Variants in MAPK11 observed in about 807,000 individuals in gnomAD.
MAPK11 encodes mitogen-activated protein kinase 11, also known as MAP kinase 11.
MAPK11 carries 44 observed loss-of-function variants against 52.2 expected under a neutral mutation model. That is an observed-to-expected ratio of 0.84 (90% CI 0.66 to 1.08). MAPK11 has a LOEUF of 1.08. MAPK11 is among the 50% of genes least tolerant of loss of function. MAPK11 has a pLI of 0.00. For missense variants in MAPK11, 436 were observed against 494.7 expected, an observed-to-expected ratio of 0.88 and a Z score of 1.13; for synonymous variants, 233 against 206.3, an observed-to-expected ratio of 1.13 and a Z score of -1.11.
chr22:50,265,440 G>A lies in MAPK11; in HGVS notation c.896C>T (p.Ala299Val). The A allele has an allele frequency of 6.2e-7, 1 of 1,613,138 alleles. No homozygotes were observed. Among genetic ancestry groups the A allele is most frequent in the Non-Finnish European group, 8.5e-7 (1 of 1,180,000 alleles). The change falls in exon 11 of 12, where the codon GCA becomes GTA. Residue 299 changes from alanine to valine, a missense_variant. Physicochemically the swap from Ala to Val is moderately conservative, Grantham distance 64 (BLOSUM62 0). Transcript: ENST00000330651. ...GTAGGCGTGGGCCAGTGCCTCAGCT[G>A]CACTGACCCTCTGGTCACTGTCCAG... ...LVLDSDQRVS[A>V]AEALAHAYFS...
chr22:50,270,210 C>A lies in MAPK11; in HGVS notation c.83G>T (p.Arg28Leu). The A allele has an allele frequency of 6.7e-7, 1 of 1,501,672 alleles. No homozygotes were observed. Among genetic ancestry groups the A allele is most frequent in the Non-Finnish European group, 8.8e-7 (1 of 1,131,624 alleles). The allele number at this position is 1,501,672 out of a possible 1,614,324, so 93.0% of individuals were successfully genotyped here. The change falls in exon 1 of 12, where the codon CGC becomes CTC. Residue 28 changes from arginine to leucine, a missense_variant. Arg to Leu is a moderately radical substitution (Grantham distance 102, BLOSUM62 -2). Coordinates refer to ENST00000330651, the MANE Select transcript of MAPK11 (RefSeq NM_002751.7). This position sits in a 1 kb window ranked among gnomAD's most constrained non-coding sequence, Gnocchi z 6.3. ...GCCGTAGGCGCCGGAGCCCACCGGG[C>A]GCAGCCCCTGCAGCCGCTGCGGCAC... ...WEVPQRLQGL[R>L]PVGSGAYGSV... is the part of the protein sequence containing the mutation.
intron 1 of MAPK11, among the ~76,000 whole-genome samples, chr22:50,269,189 G>A (rs2065289017): frequency 6.6e-6 from 1 of 152,194 alleles, no homozygotes; most frequent in African/African-American, 2.4e-5. Flanking sequence ...GAGGAAGACA[G>A]ATCTGTGCTG....
chr22:50,266,500 G>A (rs925020565), intron 8 of MAPK11, 40 bp downstream of exon 8: 1 of 1,496,334 alleles, frequency 6.7e-7, no homozygotes, highest in East Asian at 2.3e-5. Flanking sequence ...TACAGGAGGG[G>A]CCCTGTTTGA....
chr22:50,268,165 G>T (rs1376670162), intron 1 of MAPK11, among the ~76,000 whole-genome samples: 1 of 152,228 alleles, frequency 6.6e-6, no homozygotes, highest in African/African-American at 2.4e-5. Context: ...CACCATGCGT[G>T]TGTTCACCCC....
At chr22:50,265,233 G>T in intron 11 of MAPK11, 88 bp downstream of exon 11, 1 of 1,545,136 alleles carries the variant, frequency 6.5e-7, no homozygotes, top group Non-Finnish European at 8.8e-7. Context: ...CACCTGACCA[G>T]TCTGGAGAGG....
At chr22:50,269,782 G>T (rs986495610) in intron 1 of MAPK11, among the ~76,000 whole-genome samples, 1 of 152,162 alleles carries the variant, frequency 6.6e-6, no homozygotes, top group Admixed American at 6.5e-5. Context: ...AGGGTCATCC[G>T]CTAGACCCCG....
chr22:50,266,748 T>A (rs772613672), intron 7 of MAPK11, 137 bp from the exon 8 acceptor site: 2 of 986,814 alleles, frequency 2.0e-6, no homozygotes, highest in East Asian at 5.2e-5. Context: ...CAGGGGGAGG[T>A]CCATAGCTGC....
At chr22:50,266,330 G>T (rs376396529) in intron 8 of MAPK11, 25 bp from the exon 9 acceptor site, 4 of 1,590,868 alleles carry the variant, frequency 2.5e-6, no homozygotes, top group East Asian at 2.3e-5. Flanking sequence ...AAACACCCAC[G>T]GGCCAGCCAC....
chr22:50,270,369 G>T lies in MAPK11; in HGVS notation c.-77C>A. 1 of 435,752 alleles carries T rather than the reference G, an allele frequency of 2.3e-6. No homozygotes were observed. The highest frequency in any genetic ancestry group is 3.1e-6 in the Non-Finnish European group (1 of 326,730). The allele number at this position is 435,752 out of a possible 1,614,324, so 27.0% of individuals were successfully genotyped here. A position where few individuals can be genotyped will look rare whatever the true frequency, so the allele number is the denominator to read the frequency against. On this transcript the variant is annotated 5_prime_UTR_variant, in exon 1 of 12. Coordinates refer to ENST00000330651, the MANE Select transcript of MAPK11 (RefSeq NM_002751.7). The surrounding 1 kb of genome is among the most constrained non-coding windows in gnomAD (Gnocchi z 6.3). Reference sequence around the variant, plus strand: ...CGCCCGAGCCGAGCCCGAGCCGAGCGGAGCGGAGGGCGGCGGAGGCGGCGG... The same window carrying T: ...CGCCCGAGCCGAGCCCGAGCCGAGCTGAGCGGAGGGCGGCGGAGGCGGCGG...
chr22:50,265,733 T>C, intron 9 of MAPK11, 73 bp from the exon 10 acceptor site: 2 of 954,680 alleles, frequency 2.1e-6, no homozygotes, highest in Non-Finnish European at 3.2e-6. Context: ...GGGCTTCTCT[T>C]GGCAAGCCCC....
rs200959869 is a variant in MAPK11 at position 50,266,211 on chromosome 22, C to T, written c.762+15G>A. ...GCCAGGAGAGGGAGCTGCTGGCTGG[C>T]GGGCACCAACTCACGTGTTCTGAGG... is the stretch of plus-strand genomic sequence containing the variant. On this transcript the variant is annotated intron_variant, in intron 9 of 11. Coordinates refer to ENST00000330651, the MANE Select transcript of MAPK11 (RefSeq NM_002751.7). 4.0e-5 allele frequency: 62 copies of T among 1,566,538 alleles called. No homozygotes were observed. Among genetic ancestry groups the T allele is most frequent in the Non-Finnish European group, 4.3e-5 (50 of 1,154,118 alleles).
chr22:50,265,412 G>C lies in MAPK11; in HGVS notation c.924C>G (p.Phe308Leu). The C allele has an allele frequency of 1.2e-6, 2 of 1,613,188 alleles. No individual in the cohort carries two copies. The highest frequency in any genetic ancestry group is 2.2e-5 in the South Asian group (2 of 91,086). ...CATCCTCGGGGTCGTGGTACTGGCT[G>C]AAGTAGGCGTGGGCCAGTGCCTCAG... ...SAAEALAHAYFSQYHDPEDEP... is the reference protein window; with the variant it reads ...SAAEALAHAYLSQYHDPEDEP... Residue 308 changes from phenylalanine to leucine, a missense_variant, in exon 11 of 12, where the codon TTC becomes TTG. Transcript: ENST00000330651.
chr22:50,268,080 GC>G, intron 1 of MAPK11, 131 bp from the exon 2 acceptor site: 1 of 1,099,216 alleles, frequency 9.1e-7, no homozygotes, highest in Non-Finnish European at 1.2e-6. Flanking sequence ...CCCCGGCCCC[GC>G]CGCCCCAGCT....
chr22:50,267,291 G>A lies in MAPK11; in HGVS notation c.418-5C>T, dbSNP rs762510760. ...GATCCCGGCCGAGTGGATGTACTGC[G>A]GGAGGGGGATTGTGGTGAGCGCCGG... is the stretch of plus-strand genomic sequence containing the variant. On this transcript the variant is annotated splice_region_variant and splice_polypyrimidine_tract_variant and intron_variant, in intron 4 of 11. Coordinates refer to ENST00000330651, the MANE Select transcript of MAPK11 (RefSeq NM_002751.7). The A allele has an allele frequency of 1.2e-6, 2 of 1,600,910 alleles. No individual in the cohort carries two copies. Among genetic ancestry groups the A allele is most frequent in the Non-Finnish European group, 1.7e-6 (2 of 1,175,536 alleles).
intron 1 of MAPK11, among the ~76,000 whole-genome samples, chr22:50,268,608 C>T (rs1425526572): frequency 6.6e-6 from 1 of 152,232 alleles, no homozygotes; most frequent in Non-Finnish European, 1.5e-5. Context: ...TGAGCCCACC[C>T]TCCCTTTGCA....
At position 50,267,585 on chromosome 22, in the gene MAPK11, C is replaced by G; in HGVS notation, c.289G>C (p.Glu97Gln). 1 of 1,547,206 alleles carries G rather than the reference C, an allele frequency of 6.5e-7. No individual in the cohort carries two copies. Among genetic ancestry groups the G allele is most frequent in the Non-Finnish European group, 8.7e-7 (1 of 1,146,014 alleles). Residue 97 changes from glutamate (E) to glutamine (Q), a missense_variant, in exon 3 of 12, where the codon GAG becomes CAG. Coordinates refer to ENST00000330651, the MANE Select transcript of MAPK11 (RefSeq NM_002751.7). ...LDVFTPATSI[E>Q]DFSEVYLVTT... is the part of the protein sequence containing the mutation. ...GCCGCTCACACTTCGCTGAAGTCCT[C>G]GATGGACGTGGCCGGCGTGAAGACG... is the stretch of plus-strand genomic sequence containing the variant.
In MAPK11 at chr22:50,270,154, C is replaced by T; in HGVS notation, c.116+23G>A. 7.7e-7 allele frequency: 1 copy of T among 1,292,642 alleles called. No homozygotes were observed. Among genetic ancestry groups the T allele is most frequent in the Non-Finnish European group, 1.0e-6 (1 of 991,922 alleles). 80.1% of individuals were successfully genotyped at this position (1,292,642 alleles called of 1,614,324 possible). Reference sequence around the variant, plus strand: ...CCGGCCCGGCCCGGCCCCCACCCAGCACCCCTTCTGCCCCGCCCCTACCAG... The same window carrying T: ...CCGGCCCGGCCCGGCCCCCACCCAGTACCCCTTCTGCCCCGCCCCTACCAG... On this transcript the variant is annotated intron_variant, in intron 1 of 11. Coordinates refer to ENST00000330651, the MANE Select transcript of MAPK11 (RefSeq NM_002751.7). The surrounding 1 kb of genome is among the most constrained non-coding windows in gnomAD (Gnocchi z 6.3).
In MAPK11 at chr22:50,270,285, C is replaced by T. The variant is rs2065298825; in HGVS notation, c.8G>A (p.Gly3Asp). 7.2e-7 allele frequency: 1 copy of T among 1,380,700 alleles called. No individual in the cohort carries two copies. The highest frequency in any genetic ancestry group is 2.9e-5 in the East Asian group (1 of 33,900). 85.5% of individuals were successfully genotyped at this position (1,380,700 alleles called of 1,614,324 possible). The change falls in exon 1 of 12, where the codon GGC (glycine) becomes GAC (aspartate). Residue 3 changes from glycine (G) to aspartate (D), a missense_variant. Transcript: ENST00000330651. The surrounding 1 kb of genome is among the most constrained non-coding windows in gnomAD (Gnocchi z 6.3). MS[G>D]PRAGFYRQEL... is the part of the protein sequence containing the mutation. ...CTGCCGGTAGAAGCCGGCGCGAGGG[C>T]CCGACATGTCCGGAGCAGCCGCCGC...
rs186374426 is a variant in MAPK11, at chr22:50,269,750, T to C, written c.116+427A>G. Among the ~76,000 whole-genome samples, 594 of 152,108 alleles carry C rather than the reference T, an allele frequency of 3.9e-3. 3 individuals are homozygous for C. The highest frequency in any genetic ancestry group is 0.013 in the African/African-American group (551 of 41,522). ...GAGCGGGGCTTCCCTTTTCAGACAA[T>C]AGCCCCCAGCCCGGGCGGGGGAGGG... On this transcript the variant is annotated intron_variant, in intron 1 of 11. Transcript: ENST00000330651.
Sources: allele counts gnomAD v4.1 joint callset (sites outside exome capture counted in the v4.1 genomes callset), GRCh38; gene constraint gnomAD v4.1.1; non-coding constraint Gnocchi (gnomAD v3.1); transcripts MANE v1.5; gene names NCBI Gene and HGNC (gene_info 2026-07-23, HGNC 2026-07-21).